GABBR2: variants seen among roughly 807,000 people sequenced by gnomAD.
GABBR2 encodes G-protein coupled receptor 51.
GABBR2 carries 23 observed loss-of-function variants against 105.6 expected under a neutral mutation model. That is an observed-to-expected ratio of 0.22 (90% confidence interval 0.16 to 0.31). GABBR2 has a LOEUF of 0.31. Among genes scored for constraint, GABBR2 ranks in the 10% least tolerant of loss-of-function variants. The probability of loss-of-function intolerance (pLI) is 1.00; values close to 1 mark genes in which losing one functional copy is unlikely to be tolerated. For synonymous variants in GABBR2, 478 were observed against 499.7 expected, an observed-to-expected ratio of 0.96 and a Z score of 0.58; for missense variants, 734 against 1,245.5, an observed-to-expected ratio of 0.59 and a Z score of 6.18.
chr9:98,397,351 A>C (rs1411266961), intron 8 of GABBR2, among the ~76,000 whole-genome samples: 5 of 152,124 alleles, frequency 3.3e-5, no homozygotes, highest in African/African-American at 7.2e-5. Context: ...TTCATTCAAC[A>C]AACATTACTG....
At chr9:98,438,324 C>G (rs568487206) in intron 7 of GABBR2, among the ~76,000 whole-genome samples, 10 of 152,292 alleles carry the variant, frequency 6.6e-5, no homozygotes, top group African/African-American at 2.4e-4. Flanking sequence ...ACCCATCCCC[C>G]AACCCATGTC....
chr9:98,616,235 A>G (rs926318898), intron 1 of GABBR2, among the ~76,000 whole-genome samples: 1 of 152,220 alleles, frequency 6.6e-6, no homozygotes, highest in African/African-American at 2.4e-5. Flanking sequence ...TGCTTTTCAA[A>G]TCCTCAGGGT....
chr9:98,342,506 G>A (rs1363679408), intron 13 of GABBR2, among the ~76,000 whole-genome samples: 1 of 152,084 alleles, frequency 6.6e-6, no homozygotes, highest in East Asian at 1.9e-4. Context: ...ACTTCAGATG[G>A]GGTATGGTCC....
chr9:98,385,963 C>T (rs1298861884), intron 10 of GABBR2, among the ~76,000 whole-genome samples, 191 bp from the exon 11 acceptor site: 1 of 152,180 alleles, frequency 6.6e-6, no homozygotes, highest in Non-Finnish European at 1.5e-5. Context: ...CAGATTTTCC[C>T]CAACACCCAG....
rs138293631 is a variant in GABBR2, at chr9:98,558,448, G to C, written c.460-16405C>G. Among the ~76,000 whole-genome samples, 4 of 152,238 alleles carry C rather than the reference G, an allele frequency of 2.6e-5. No homozygotes were observed. In the East Asian group the frequency reaches 7.7e-4, roughly 29 times the overall value. ...GCATAGAAGGATAAAATAATACCAT[G>C]GGTGCCATTTATTTATGTGCCATTC... On this transcript the variant is annotated intron_variant, in intron 2 of 18. Coordinates refer to ENST00000259455, the MANE Select transcript of GABBR2 (RefSeq NM_005458.8).
rs1367287258 is a variant in GABBR2 at position 98,473,307 on chromosome 9, T to C, written c.838A>G (p.Ile280Val). The C allele has an allele frequency of 3.7e-6, 6 of 1,613,250 alleles. No individual in the cohort carries two copies. The highest frequency in any genetic ancestry group is 5.1e-6 in the Non-Finnish European group (6 of 1,179,694). The change falls in exon 6 of 19, where the codon ATC becomes GTC. Residue 280 changes from isoleucine (I) to valine (V), a missense_variant. Coordinates refer to ENST00000259455, the MANE Select transcript of GABBR2 (RefSeq NM_005458.8). ...ENMYGSKYQW[I>V]IPGWYEPSWW... ...GAAGGCTCGTACCAGCCCGGAATGA[T>C]CCACTGATATTTACTACCATACATG...
intron 3 of GABBR2, among the ~76,000 whole-genome samples, chr9:98,536,214 A>G (rs1828177889): frequency 6.6e-6 from 1 of 152,188 alleles, no homozygotes; most frequent in Non-Finnish European, 1.5e-5. Flanking sequence ...TGTCCCTGGG[A>G]GTGGCAGGAT....
chr9:98,551,096 C>G (rs139688552), intron 2 of GABBR2, among the ~76,000 whole-genome samples: 1 of 152,256 alleles, frequency 6.6e-6, no homozygotes, highest in African/African-American at 2.4e-5. Context: ...ACACGTCTGA[C>G]TTGGTGATTA....
intron 1 of GABBR2, among the ~76,000 whole-genome samples, chr9:98,615,054 C>T (rs1829560529): frequency 6.6e-6 from 1 of 152,218 alleles, no homozygotes; most frequent in Non-Finnish European, 1.5e-5. Flanking sequence ...CTGATGGATC[C>T]TTCCATGAGA....
intron 1 of GABBR2, among the ~76,000 whole-genome samples, chr9:98,631,469 TA>T (rs1829815231): frequency 1.3e-5 from 2 of 152,236 alleles, no homozygotes; most frequent in African/African-American, 4.8e-5. Flanking sequence ...ACATTGAGGA[TA>T]AAACAGGTAA....
chr9:98,617,229 T>G (rs965565790), intron 1 of GABBR2, among the ~76,000 whole-genome samples: 1 of 152,120 alleles, frequency 6.6e-6, no homozygotes, highest in African/African-American at 2.4e-5. Context: ...ATGCACTGGG[T>G]GCCGGCTCTG....
chr9:98,510,578 C>T (rs1827618520), intron 3 of GABBR2, among the ~76,000 whole-genome samples: 1 of 152,070 alleles, frequency 6.6e-6, no homozygotes, highest in Non-Finnish European at 1.5e-5. Flanking sequence ...GGAGGAAGAT[C>T]TACCAAGCAA....
At chr9:98,389,310 C>A (rs1442540193) in intron 9 of GABBR2, among the ~76,000 whole-genome samples, 1 of 152,204 alleles carries the variant, frequency 6.6e-6, no homozygotes, top group Non-Finnish European at 1.5e-5. Context: ...ATTTATCCCC[C>A]AAGGCAACAA....
Position 98,618,486 on chromosome 9 carries a change from A to ATATCTCTCTCTCTC in GABBR2, c.322-40415_322-40414insGAGAGAGAGAGATA, listed in dbSNP as rs1445740868. Among the ~76,000 whole-genome samples, 6 of 145,182 alleles carry ATATCTCTCTCTCTC rather than the reference A, an allele frequency of 4.1e-5. No homozygotes were observed. In the South Asian group the frequency reaches 1.4e-3, roughly 33 times the overall value. On this transcript the variant is annotated intron_variant, in intron 1 of 18. Transcript: ENST00000259455. ...CAAAGGAAAAAAAAAGGTCTGCTGC[A>ATATCTCTCTCTCTC]TCTCTCTCTCTCTCTCTCTCTCTCT...
chr9:98,654,308 T>A (rs1233054638), intron 1 of GABBR2, among the ~76,000 whole-genome samples: 1 of 152,244 alleles, frequency 6.6e-6, no homozygotes, highest in African/African-American at 2.4e-5. Flanking sequence ...AGCCTTGTCA[T>A]GGCCCATCTC....
At chr9:98,415,342 T>G (rs1430758076) in intron 7 of GABBR2, among the ~76,000 whole-genome samples, 1 of 152,202 alleles carries the variant, frequency 6.6e-6, no homozygotes, top group East Asian at 1.9e-4. Context: ...TCATCAGCAA[T>G]AAACTAATAC....
chr9:98,602,675 C>G (rs1226121426), intron 1 of GABBR2, among the ~76,000 whole-genome samples: 1 of 152,160 alleles, frequency 6.6e-6, no homozygotes, highest in East Asian at 1.9e-4. Flanking sequence ...CCTGCCCAAG[C>G]ACTAGGGAAC....
chr9:98,653,142 A>G (rs915140972), intron 1 of GABBR2, among the ~76,000 whole-genome samples: 1 of 152,224 alleles, frequency 6.6e-6, no homozygotes, highest in African/African-American at 2.4e-5. Flanking sequence ...GATTACAGGC[A>G]TATGCCCAAG....
At chr9:98,540,125 C>A (rs1373062004) in intron 3 of GABBR2, among the ~76,000 whole-genome samples, 1 of 152,138 alleles carries the variant, frequency 6.6e-6, no homozygotes, top group African/African-American at 2.4e-5. Context: ...ATGAGTCACT[C>A]CCGCTGGAGG....
Sources: allele counts gnomAD v4.1 joint callset (sites outside exome capture counted in the v4.1 genomes callset), GRCh38; gene constraint gnomAD v4.1.1; transcripts MANE v1.5; gene names NCBI Gene and HGNC (gene_info 2026-07-23, HGNC 2026-07-21).